KLHL22: variants seen among roughly 807,000 people sequenced by gnomAD.
KLHL22 encodes kelch like family member 22.
Under a neutral mutation model 60.7 loss-of-function variants are expected in KLHL22, and 18 were observed. The observed-to-expected ratio is 0.30, with a 90% CI of 0.20 to 0.44. The LOEUF (loss-of-function observed/expected upper bound fraction) is 0.44, where lower values mean the gene tolerates loss of function less well. Among genes scored for constraint, KLHL22 ranks in the 20% least tolerant of loss-of-function variants. The pLI, the probability that KLHL22 is intolerant of heterozygous loss-of-function variation, is 1.00. For synonymous variants in KLHL22, 355 were observed against 354.5 expected (o/e 1.00, Z -0.01); for missense variants, 596 against 852.3 (o/e 0.70, Z 3.74).
intron 2 of KLHL22, chr22:20,475,133 T>C (rs2053389090): frequency 6.6e-6 from 1 of 152,168 alleles, no homozygotes; most frequent in South Asian, 2.1e-4. Flanking sequence ...ATGAGGAGTT[T>C]CCCCGATCTT....
chr22:20,492,150 G>A (rs1004408131), intron 1 of KLHL22: 5 of 152,118 alleles, frequency 3.3e-5, no homozygotes, highest in African/African-American at 1.2e-4. Flanking sequence ...CTAGCTAGTA[G>A]CCCTCCAACT....
chr22:20,441,901 C>G lies in KLHL22; in HGVS notation c.*172G>C. On this transcript the variant is annotated 3_prime_UTR_variant, in exon 7 of 7. Coordinates refer to ENST00000328879, the MANE Select transcript of KLHL22 (RefSeq NM_032775.4). The stretch of plus-strand genomic sequence containing the variant: ...CTGGGATCTGCATGGCCCTGAGATG[C>G]CTGCGGCAGGCTGGCCAAGGGGCTG... 1 of 566,576 alleles carries G rather than the reference C, an allele frequency of 1.8e-6. No individual in the cohort carries two copies. Among genetic ancestry groups the G allele is most frequent in the Non-Finnish European group, 2.9e-6 (1 of 347,690 alleles). 35.1% of individuals were successfully genotyped at this position (566,576 alleles called of 1,614,324 possible).
rs2052759948 is a variant in KLHL22, at chr22:20,441,704, CAGAAAGAGGG to C, written c.*359_*368del. 1 of 212,288 alleles carries C rather than the reference CAGAAAGAGGG, an allele frequency of 4.7e-6. No individual in the cohort carries two copies. Among genetic ancestry groups the C allele is most frequent in the Non-Finnish European group, 1.0e-5 (1 of 97,976 alleles). The allele number at this position is 212,288 out of a possible 1,614,324, so 13.2% of individuals were successfully genotyped here. On this transcript the variant is annotated 3_prime_UTR_variant, in exon 7 of 7. Transcript: ENST00000328879. ...TGCCCCCACAGCCCCACCCCATTCACAGAAAGAGGGCTACCACGTGCCTCAGCCCCCCTGC... is the reference window on the plus strand; with the variant it reads ...TGCCCCCACAGCCCCACCCCATTCACCTACCACGTGCCTCAGCCCCCCTGC...
At chr22:20,474,250 C>T (rs575095609) in intron 2 of KLHL22, among the ~76,000 whole-genome samples, 246 of 152,274 alleles carry the variant, frequency 1.6e-3, no homozygotes, top group African/African-American at 5.4e-3. Context: ...CTGCCTGCCT[C>T]GGCCTCCCAA....
intron 1 of KLHL22, among the ~76,000 whole-genome samples, chr22:20,490,430 T>C (rs2053666257): frequency 6.6e-6 from 1 of 152,210 alleles, no homozygotes; most frequent in Admixed American, 6.5e-5. Flanking sequence ...ACTGTAGTTC[T>C]GAATGAAAAA....
chr22:20,448,410 C>T (rs1374262997), intron 5 of KLHL22, among the ~76,000 whole-genome samples: 2 of 152,198 alleles, frequency 1.3e-5, no homozygotes, highest in African/African-American at 4.8e-5. Context: ...GGGTACTCAA[C>T]ATGTACCAAT....
At chr22:20,476,223 T>C (rs2053409695) in intron 2 of KLHL22, among the ~76,000 whole-genome samples, 1 of 152,156 alleles carries the variant, frequency 6.6e-6, no homozygotes, top group South Asian at 2.1e-4. Flanking sequence ...CTCGGGGCAC[T>C]TTCCCATGCT....
At chr22:20,461,671 T>C (rs1193471107) in intron 4 of KLHL22, among the ~76,000 whole-genome samples, 1 of 151,166 alleles carries the variant, frequency 6.6e-6, no homozygotes, top group African/African-American at 2.4e-5. Context: ...ATAAATTAAA[T>C]GTACTGACCG....
At chr22:20,494,384 C>T (rs1275559556) in intron 1 of KLHL22, among the ~76,000 whole-genome samples, 1 of 151,964 alleles carries the variant, frequency 6.6e-6, no homozygotes, top group Non-Finnish European at 1.5e-5. Context: ...GCTAATTTTT[C>T]AAATTTTCTT....
intron 4 of KLHL22, among the ~76,000 whole-genome samples, chr22:20,460,327 G>C (rs935675110): frequency 6.6e-6 from 1 of 152,118 alleles, no homozygotes; most frequent in African/African-American, 2.4e-5. Flanking sequence ...ACACACACAG[G>C]GCCGGGCGTG....
intron 5 of KLHL22, chr22:20,451,396 G>A: frequency 6.2e-7 from 1 of 1,609,276 alleles, no homozygotes; most frequent in Non-Finnish European, 8.5e-7. Flanking sequence ...GGCCAGTGGA[G>A]TGATCCACTG....
intron 3 of KLHL22, among the ~76,000 whole-genome samples, chr22:20,468,809 G>A (rs2053271837): frequency 6.6e-6 from 1 of 152,120 alleles, no homozygotes; most frequent in South Asian, 2.1e-4. Context: ...ACAGGTGCAT[G>A]CCACCATGCC....
chr22:20,471,793 G>A (rs2053331450), intron 2 of KLHL22, among the ~76,000 whole-genome samples: 1 of 152,212 alleles, frequency 6.6e-6, no homozygotes, highest in African/African-American at 2.4e-5. Flanking sequence ...GCCACAAGCA[G>A]CTTGCTTCTG....
chr22:20,455,188 G>T (rs917573022), intron 5 of KLHL22, among the ~76,000 whole-genome samples: 2 of 152,092 alleles, frequency 1.3e-5, no homozygotes, highest in Non-Finnish European at 2.9e-5. Flanking sequence ...CTGCCAACAT[G>T]ACCTATCCTT....
chr22:20,451,602 T>G (rs2052980091), intron 5 of KLHL22: 1 of 1,596,750 alleles, frequency 6.3e-7, no homozygotes, highest in Admixed American at 1.7e-5. Context: ...CATACAACAT[T>G]CGCACTGATT....
At chr22:20,447,199 C>CT (rs974377282) in intron 5 of KLHL22, among the ~76,000 whole-genome samples, 1 of 152,178 alleles carries the variant, frequency 6.6e-6, no homozygotes, top group Non-Finnish European at 1.5e-5. Flanking sequence ...CTTCTGTGGG[C>CT]TTTTTACCCT....
chr22:20,474,899 ATTCC>A (rs1385691394), intron 2 of KLHL22, among the ~76,000 whole-genome samples: 1 of 152,176 alleles, frequency 6.6e-6, no homozygotes, highest in Admixed American at 6.5e-5. Flanking sequence ...TTTTTATATC[ATTCC>A]TGATAGCAGG....
chr22:20,485,305 C>T, intron 2 of KLHL22, among the ~76,000 whole-genome samples: 1 of 152,064 alleles, frequency 6.6e-6, no homozygotes, highest in South Asian at 2.1e-4. Flanking sequence ...GGTGTAGGGT[C>T]AGGGGAGCCA....
At chr22:20,475,729 A>G (rs967994080) in intron 2 of KLHL22, among the ~76,000 whole-genome samples, 2 of 151,734 alleles carry the variant, frequency 1.3e-5, no homozygotes, top group African/African-American at 2.4e-5. Flanking sequence ...ACACCCGGCT[A>G]ATTTTGTATT....
Sources: gnomAD v4.1 joint callset for allele counts (sites outside exome capture counted in the v4.1 genomes callset) on GRCh38, gnomAD v4.1.1 for gene constraint, MANE v1.5 for transcripts, NCBI Gene and HGNC (gene_info 2026-07-23, HGNC 2026-07-21) for gene names.